The following IFT52 variants were observed in gnomAD, a reference collection of about 807,000 sequenced individuals.
IFT52 encodes intraflagellar transport 52, also known as intraflagellar transport protein 52 homolog.
In IFT52, 44 loss-of-function variants were observed where a neutral mutation model predicts 54.4. That is an observed-to-expected ratio of 0.81 (90% CI 0.63 to 1.04). IFT52 has a LOEUF of 1.04. Among genes scored for constraint, IFT52 ranks in the 50% least tolerant of loss-of-function variants. IFT52 has a pLI of 0.00. For synonymous variants in IFT52, 181 were observed against 185.3 expected, an observed-to-expected ratio of 0.98 and a Z score of 0.19; for missense variants, 452 against 523.6, an observed-to-expected ratio of 0.86 and a Z score of 1.33.
At chr20:43,598,324 A>C (rs937063955) in intron 3 of IFT52, among the ~76,000 whole-genome samples, 1 of 152,152 alleles carries the variant, frequency 6.6e-6, no homozygotes, top group Non-Finnish European at 1.5e-5. Flanking sequence ...TTGCTGCTTA[A>C]TAGGTATAGA....
intron 10 of IFT52, among the ~76,000 whole-genome samples, chr20:43,633,054 C>G (rs544726570): frequency 1.3e-5 from 2 of 152,202 alleles, no homozygotes; most frequent in South Asian, 4.1e-4. Flanking sequence ...TTTTAAAAGT[C>G]AAAATTGGCC....
intron 13 of IFT52, 74 bp from the exon 14 acceptor site, chr20:43,646,862 C>G: frequency 1.7e-6 from 2 of 1,210,716 alleles, no homozygotes; most frequent in Non-Finnish European, 2.4e-6. Flanking sequence ...CTCTAAAGTC[C>G]AAAGCACTGA....
intron 7 of IFT52, among the ~76,000 whole-genome samples, chr20:43,616,961 C>A (rs1406189006): frequency 6.6e-6 from 1 of 152,082 alleles, no homozygotes; most frequent in Non-Finnish European, 1.5e-5. Context: ...TGCAGTGAGC[C>A]ATGATTGTGC....
At chr20:43,605,174 G>A in intron 6 of IFT52, 101 bp downstream of exon 6, 4 of 1,526,828 alleles carry the variant, frequency 2.6e-6, no homozygotes, top group Non-Finnish European at 3.5e-6. Context: ...AAAATAATCA[G>A]AATTTGAACA....
chr20:43,633,847 A>T (rs1985344865), intron 10 of IFT52, among the ~76,000 whole-genome samples: 1 of 152,118 alleles, frequency 6.6e-6, no homozygotes, highest in African/African-American at 2.4e-5. Context: ...ATCTTTGGAC[A>T]AATCTCAATA....
chr20:43,604,418 CAA>C lies in IFT52; in HGVS notation c.413+167_413+168del, dbSNP rs762616607. The stretch of plus-strand genomic sequence containing the variant: ...AACCCCATCTCCCTGTCTAAAAATA[CAA>C]AAAAAATTAGCCAGGCATTGTAGCA... On this transcript the variant is annotated intron_variant, in intron 5 of 13. Coordinates refer to ENST00000373030, the MANE Select transcript of IFT52 (RefSeq NM_016004.5). Among the ~76,000 whole-genome samples, 143 of 151,772 alleles carry C rather than the reference CAA, an allele frequency of 9.4e-4. 2 individuals carry two copies. The highest frequency in any genetic ancestry group is 4.3e-4 in the Non-Finnish European group (29 of 67,878).
chr20:43,627,945 T>TC (rs1292128174), intron 10 of IFT52, among the ~76,000 whole-genome samples: 10 of 147,242 alleles, frequency 6.8e-5, no homozygotes, highest in Non-Finnish European at 1.3e-4. Context: ...TTTTTTTTTT[T>TC]GAGATACAGT....
At chr20:43,601,813 G>A (rs754701245) in intron 3 of IFT52, among the ~76,000 whole-genome samples, 23 of 152,226 alleles carry the variant, frequency 1.5e-4, no homozygotes, top group Non-Finnish European at 3.2e-4. Flanking sequence ...GGAAAAGGAA[G>A]ATGAATTTAG....
chr20:43,626,371 C>T (rs1026217257), intron 10 of IFT52, among the ~76,000 whole-genome samples: 1 of 151,332 alleles, frequency 6.6e-6, no homozygotes, highest in African/African-American at 2.4e-5. Flanking sequence ...TCAAGCAATT[C>T]TCCTGCCTGA....
intron 9 of IFT52, among the ~76,000 whole-genome samples, chr20:43,621,778 C>CTG (rs1289961772): frequency 2.0e-5 from 3 of 152,168 alleles, no homozygotes; most frequent in Non-Finnish European, 4.4e-5. Flanking sequence ...GTTTTCTTAT[C>CTG]TGTGAACAGG....
intron 3 of IFT52, among the ~76,000 whole-genome samples, 176 bp downstream of exon 3, chr20:43,596,698 A>G (rs970071757): frequency 6.6e-6 from 1 of 151,632 alleles, no homozygotes; most frequent in African/African-American, 2.4e-5. Flanking sequence ...TAAAGTACCA[A>G]ACACATAGTG....
chr20:43,607,834 C>T (rs1430402482), intron 6 of IFT52, among the ~76,000 whole-genome samples: 3 of 152,156 alleles, frequency 2.0e-5, no homozygotes, highest in African/African-American at 4.8e-5. Flanking sequence ...GAGATCACGC[C>T]ACTGCACTCC....
Position 43,637,451 on chromosome 20 carries a change from C to T in IFT52, c.1120+198C>T, listed in dbSNP as rs550987639. Among the ~76,000 whole-genome samples, 301 of 152,168 alleles carry T rather than the reference C, an allele frequency of 2.0e-3. 1 individual carries two copies. Among genetic ancestry groups the T allele is most frequent in the Non-Finnish European group, 3.7e-3 (250 of 67,996 alleles). ...CTAATTTTTGTATTTTTAGTAGAGA[C>T]GGGGTTTCATCATATTGGTCAGGCT... On this transcript the variant is annotated intron_variant, in intron 12 of 13. Transcript: ENST00000373030.
intron 6 of IFT52, among the ~76,000 whole-genome samples, chr20:43,607,780 G>T (rs1983067776): frequency 2.0e-5 from 3 of 152,222 alleles, no homozygotes; most frequent in Admixed American, 6.6e-5. Context: ...CGGCACTTTG[G>T]GAGGCCAAGA....
intron 3 of IFT52, among the ~76,000 whole-genome samples, chr20:43,597,903 A>AC (rs1461852133): frequency 1.9e-4 from 29 of 151,432 alleles, no homozygotes; most frequent in African/African-American, 6.8e-4. Flanking sequence ...AAAAAAAAAA[A>AC]AAAAAAAACT....
At chr20:43,635,853 C>A in intron 10 of IFT52, 73 bp from the exon 11 acceptor site, 1 of 1,326,228 alleles carries the variant, frequency 7.5e-7, no homozygotes, top group Non-Finnish European at 1.1e-6. Flanking sequence ...TGGAGAACAA[C>A]ACAGTGTGGT....
chr20:43,595,505 C>T (rs1456457726), intron 2 of IFT52, among the ~76,000 whole-genome samples: 7 of 151,472 alleles, frequency 4.6e-5, no homozygotes, highest in African/African-American at 1.2e-4. Context: ...GCCGAGATTG[C>T]GCCACTGCAC....
chr20:43,593,296 C>G (rs753803605), intron 1 of IFT52, among the ~76,000 whole-genome samples: 1 of 151,792 alleles, frequency 6.6e-6, no homozygotes, highest in Non-Finnish European at 1.5e-5. Flanking sequence ...GCAAACATGA[C>G]AAAGACTGGA....
chr20:43,618,824 G>T, intron 7 of IFT52, 116 bp from the exon 8 acceptor site: 1 of 667,328 alleles, frequency 1.5e-6, no homozygotes, highest in Non-Finnish European at 2.6e-6. Flanking sequence ...GGTGTGAATT[G>T]GCACTCTTCA....
Sources: allele counts gnomAD v4.1 joint callset (sites outside exome capture counted in the v4.1 genomes callset), GRCh38; gene constraint gnomAD v4.1.1; transcripts MANE v1.5; gene names NCBI Gene and HGNC (gene_info 2026-07-23, HGNC 2026-07-21).